The following CORO1C variants were observed in gnomAD, a reference collection of about 807,000 sequenced individuals.
The protein encoded by CORO1C is coronin-1C.
CORO1C carries 14 observed loss-of-function variants against 51.2 expected under a neutral mutation model. The ratio of observed to expected loss-of-function variants is 0.27; its 90% CI spans 0.18 to 0.43. The LOEUF (loss-of-function observed/expected upper bound fraction) is 0.43, where lower values mean the gene tolerates loss of function less well. Among genes scored for constraint, CORO1C ranks in the 20% least tolerant of loss-of-function variants. The pLI, the probability that CORO1C is intolerant of heterozygous loss-of-function variation, is 1.00. For synonymous variants in CORO1C, 181 were observed against 210.5 expected (o/e 0.86, Z 1.21); for missense variants, 417 against 607.8 (o/e 0.69, Z 3.30).
chr12:108,730,553 G>A (rs1259602184), intron 1 of CORO1C: 1 of 152,354 alleles, frequency 6.6e-6, no homozygotes, highest in African/African-American at 2.4e-5. Flanking sequence ...CGGCGCAGCG[G>A]GGCCCCACCT....
chr12:108,729,414 G>C (rs1048730881), intron 1 of CORO1C, among the ~76,000 whole-genome samples: 3 of 152,142 alleles, frequency 2.0e-5, no homozygotes, highest in African/African-American at 7.2e-5. Flanking sequence ...AATTCATCAG[G>C]CTTTAATGTA....
intron 3 of CORO1C, among the ~76,000 whole-genome samples, chr12:108,671,813 A>T (rs1024201464): frequency 6.6e-6 from 1 of 152,190 alleles, no homozygotes; most frequent in African/African-American, 2.4e-5. Context: ...ACCAGGCTGT[A>T]GTACAGTGGC....
At chr12:108,654,214 C>G in intron 7 of CORO1C, 92 bp downstream of exon 7, 1 of 828,286 alleles carries the variant, frequency 1.2e-6, no homozygotes, top group African/African-American at 1.7e-5. Flanking sequence ...AAAAATTAAA[C>G]AGATACAACA....
rs2033130180 is a variant in CORO1C, at chr12:108,658,746, T to C, written c.622A>G (p.Ile208Val). The C allele has an allele frequency of 1.2e-6, 2 of 1,607,840 alleles. No homozygotes were observed. Among genetic ancestry groups the C allele is most frequent in the Non-Finnish European group, 1.7e-6 (2 of 1,174,530 alleles). Reference protein sequence around the residue: ...VRVIDPRKQEIVAEKEKAHEG... With the variant: ...VRVIDPRKQEVVAEKEKAHEG... ...ATCCTAGGAATACTCACAGCAACAA[T>C]CTCTTGTTTCCTGGGATCAATGACT... The change falls in exon 5 of 11, where the codon ATT (isoleucine) becomes GTT (valine). Residue 208 changes from isoleucine to valine, a missense_variant. Ile to Val is a conservative substitution (Grantham distance 29). Transcript: ENST00000261401. This position sits in a 1 kb window ranked among gnomAD's most constrained non-coding sequence, Gnocchi z 4.9.
intron 1 of CORO1C, among the ~76,000 whole-genome samples, chr12:108,729,310 A>G (rs1269751586): frequency 3.3e-5 from 5 of 152,218 alleles, no homozygotes; most frequent in Admixed American, 6.5e-5. Flanking sequence ...ATAAGTATAA[A>G]TGCTGATTAG....
Position 108,694,020 on chromosome 12 carries a change from T to A in CORO1C, c.195+7104A>T, listed in dbSNP as rs576930201. 2.8e-4 allele frequency among the ~76,000 whole-genome samples: 43 copies of A among 152,006 alleles called. 1 individual carries two copies. Among genetic ancestry groups the A allele is most frequent in the African/African-American group, 9.4e-4 (39 of 41,458 alleles). ...TCTTAAAAGCAAGAACCTAGCCGGG[T>A]GTGGTGGCTCACGCCTGTAATCCCA... On this transcript the variant is annotated intron_variant, in intron 2 of 10. Coordinates refer to ENST00000261401, the MANE Select transcript of CORO1C (RefSeq NM_014325.4).
chr12:108,712,514 C>T (rs550638820), intron 1 of CORO1C, among the ~76,000 whole-genome samples: 1 of 134,384 alleles, frequency 7.4e-6, no homozygotes, highest in East Asian at 2.3e-4. Flanking sequence ...GTGGAGGTTG[C>T]AGTGAGCCAG....
intron 1 of CORO1C, among the ~76,000 whole-genome samples, chr12:108,722,390 G>T (rs920943487): frequency 3.3e-5 from 5 of 152,086 alleles, no homozygotes; most frequent in Non-Finnish European, 5.9e-5. Context: ...GAACAAGGAG[G>T]GCCAGCACAG....
intron 6 of CORO1C, among the ~76,000 whole-genome samples, chr12:108,654,867 GGC>G (rs1199823739): frequency 1.4e-3 from 214 of 151,968 alleles, no homozygotes; most frequent in Middle Eastern, 0.01. Flanking sequence ...CACCACCCGT[GGC>G]TAATTTTTGT....
intron 1 of CORO1C, among the ~76,000 whole-genome samples, chr12:108,711,395 A>G (rs1565935336): frequency 6.6e-6 from 1 of 151,764 alleles, no homozygotes; most frequent in Non-Finnish European, 1.5e-5. Flanking sequence ...AAAGAAAGAA[A>G]AGGGCCGGGC....
At chr12:108,667,737 C>T (rs1423845345) in intron 3 of CORO1C, among the ~76,000 whole-genome samples, 2 of 152,082 alleles carry the variant, frequency 1.3e-5, no homozygotes, top group Non-Finnish European at 2.9e-5. Flanking sequence ...AGGGCTCCTA[C>T]ATGAAAAAGT....
intron 3 of CORO1C, among the ~76,000 whole-genome samples, chr12:108,670,105 G>A (rs1447252820): frequency 6.6e-6 from 1 of 152,146 alleles, no homozygotes. Flanking sequence ...AAAAGACAGA[G>A]CTAGCAGAAA....
intron 8 of CORO1C, among the ~76,000 whole-genome samples, chr12:108,649,976 TTG>T (rs2032566209): frequency 6.6e-6 from 1 of 152,154 alleles, no homozygotes; most frequent in Non-Finnish European, 1.5e-5. Flanking sequence ...CCTGCAGCCT[TTG>T]GCATCTGAAA....
chr12:108,672,803 CT>C (rs2033766269), intron 3 of CORO1C, among the ~76,000 whole-genome samples: 1 of 152,098 alleles, frequency 6.6e-6, no homozygotes, highest in Non-Finnish European at 1.5e-5. Context: ...ATTACTGTAT[CT>C]GTTACAGTGA....
At position 108,652,356 on chromosome 12, in the gene CORO1C, T is replaced by C; in HGVS notation, c.917A>G (p.Asn306Ser). ...CTGAGGCTCCTTGCTGCTGAATGTG[T>C]TGAGGTAGTGGACGTACGGGGATTC... The part of the protein sequence containing the change: ...TDESPYVHYL[N>S]TFSSKEPQRG... Residue 306 changes from asparagine (N) to serine (S), a missense_variant, in exon 8 of 11, where the codon AAC becomes AGC. By Grantham distance (46) the Asn-to-Ser change is conservative (BLOSUM62 1). Coordinates refer to ENST00000261401, the MANE Select transcript of CORO1C (RefSeq NM_014325.4). 6.2e-7 allele frequency: 1 copy of C among 1,613,818 alleles called. No homozygotes were observed. Among genetic ancestry groups the C allele is most frequent in the Admixed American group, 1.7e-5 (1 of 60,016 alleles).
intron 7 of CORO1C, 22 bp downstream of exon 7, chr12:108,654,284 A>G: frequency 6.8e-7 from 1 of 1,470,492 alleles, no homozygotes; most frequent in Non-Finnish European, 9.5e-7. Flanking sequence ...ATTTAACACC[A>G]AACATCAAAA....
intron 1 of CORO1C, among the ~76,000 whole-genome samples, chr12:108,724,270 T>C (rs949931929): frequency 1.3e-5 from 2 of 152,208 alleles, no homozygotes; most frequent in African/African-American, 4.8e-5. Context: ...GCTAAGCAAA[T>C]GGAACTGCTG....
At chr12:108,663,270 G>A (rs1332883557) in intron 3 of CORO1C, among the ~76,000 whole-genome samples, 1 of 152,216 alleles carries the variant, frequency 6.6e-6, no homozygotes, top group East Asian at 1.9e-4. Context: ...AAAACAGCCT[G>A]GCAGTTCCTT....
intron 1 of CORO1C, among the ~76,000 whole-genome samples, chr12:108,719,811 TG>T (rs1488992167): frequency 1.3e-5 from 2 of 152,256 alleles, no homozygotes; most frequent in African/African-American, 4.8e-5. Context: ...ACAGAAATTA[TG>T]GTTCTTGCCA....
Sources: allele counts gnomAD v4.1 joint callset (sites outside exome capture counted in the v4.1 genomes callset), GRCh38; gene constraint gnomAD v4.1.1; non-coding constraint Gnocchi (gnomAD v3.1); transcripts MANE v1.5; gene names NCBI Gene and HGNC (gene_info 2026-07-23, HGNC 2026-07-21).